Variants in HCN1 observed in about 807,000 individuals in gnomAD.
The protein encoded by HCN1 is hyperpolarization activated cyclic nucleotide gated potassium channel 1.
Under a neutral mutation model 78.9 loss-of-function variants are expected in HCN1, and 13 were observed. That is an observed-to-expected ratio of 0.16 (90% CI 0.11 to 0.26). The LOEUF is 0.26. HCN1 is among the 10% of genes least tolerant of loss of function. The pLI, the probability that HCN1 is intolerant of heterozygous loss-of-function variation, is 1.00. For synonymous variants in HCN1, 552 were observed against 455.5 expected, an observed-to-expected ratio of 1.21 and a Z score of -2.70; for missense variants, 810 against 1,154.3, an observed-to-expected ratio of 0.70 and a Z score of 4.32.
At chr5:45,350,143 G>A (rs945966363) in intron 5 of HCN1, among the ~76,000 whole-genome samples, 10 of 152,068 alleles carry the variant, frequency 6.6e-5, no homozygotes, top group East Asian at 1.9e-4. Context: ...CTGGCAAACC[G>A]AATCCAGCAG....
At chr5:45,275,262 G>A (rs112284369) in intron 6 of HCN1, among the ~76,000 whole-genome samples, 1,488 of 148,356 alleles carry the variant, frequency 0.01, 22 homozygotes, top group African/African-American at 0.034. Context: ...AAAAAAAAAA[G>A]GAAATAAGTG....
At chr5:45,570,930 T>C (rs944810047) in intron 2 of HCN1, among the ~76,000 whole-genome samples, 11 of 152,184 alleles carry the variant, frequency 7.2e-5, no homozygotes, top group African/African-American at 2.4e-4. Flanking sequence ...ATCATGCTCA[T>C]ATTTCATACT....
At chr5:45,552,743 G>C (rs188282555) in intron 2 of HCN1, among the ~76,000 whole-genome samples, 36 of 151,986 alleles carry the variant, frequency 2.4e-4, no homozygotes, top group Non-Finnish European at 1.6e-4. Context: ...AATCTCAGGA[G>C]GGTCATTACA....
chr5:45,602,676 T>C (rs1483124704), intron 2 of HCN1, among the ~76,000 whole-genome samples: 1 of 152,144 alleles, frequency 6.6e-6, no homozygotes, highest in Non-Finnish European at 1.5e-5. Flanking sequence ...TGTGTCTTTA[T>C]TTTTCCTGTG....
chr5:45,478,418 G>A (rs1286845224), intron 2 of HCN1, among the ~76,000 whole-genome samples: 2 of 152,164 alleles, frequency 1.3e-5, no homozygotes, highest in Non-Finnish European at 2.9e-5. Context: ...CAATGTCAAA[G>A]CTGAGCAATG....
chr5:45,523,387 C>T (rs1742656114), intron 2 of HCN1, among the ~76,000 whole-genome samples: 1 of 151,956 alleles, frequency 6.6e-6, no homozygotes, highest in Non-Finnish European at 1.5e-5. Flanking sequence ...AATGGGATGG[C>T]TGGGTCAAAT....
At chr5:45,280,703 T>A (rs946620009) in intron 6 of HCN1, among the ~76,000 whole-genome samples, 2 of 152,190 alleles carry the variant, frequency 1.3e-5, no homozygotes, top group Non-Finnish European at 2.9e-5. Flanking sequence ...TTTGTACAAC[T>A]TTTGGATCAT....
chr5:45,577,691 T>A (rs1743976944), intron 2 of HCN1, among the ~76,000 whole-genome samples: 1 of 152,006 alleles, frequency 6.6e-6, no homozygotes, highest in Non-Finnish European at 1.5e-5. Flanking sequence ...TAAAGAAATA[T>A]ATGCAAATTA....
In HCN1 at chr5:45,257,679, T is replaced by C. The variant is rs74517870; in HGVS notation, c.*4242A>G. On this transcript the variant is annotated 3_prime_UTR_variant, in exon 8 of 8. Coordinates refer to ENST00000303230, the MANE Select transcript of HCN1 (RefSeq NM_021072.4). ...TTGTTAAAAAGGAAAAAAATTGAAA[T>C]TGCTTAAGAAAGTCATTGCTTTTGA... 1.3e-5 allele frequency: 2 copies of C among 152,228 alleles called. No homozygotes were observed. The highest frequency in any genetic ancestry group is 2.1e-4 in the South Asian group (1 of 4,826). 9.4% of individuals were successfully genotyped at this position (152,228 alleles called of 1,614,324 possible).
chr5:45,422,155 C>T (rs780798906), intron 3 of HCN1, among the ~76,000 whole-genome samples: 4 of 152,150 alleles, frequency 2.6e-5, no homozygotes, highest in South Asian at 4.1e-4. Flanking sequence ...AACAAACAGG[C>T]CTTGCTAAGT....
Position 45,430,298 on chromosome 5 carries a change from T to G in HCN1, c.1011+31548A>C, listed in dbSNP as rs190456582. Among the ~76,000 whole-genome samples the G allele has an allele frequency of 2.2e-4, 34 of 152,258 alleles. No individual in the cohort carries two copies. In the East Asian group the frequency reaches 5.6e-3, roughly 25 times the overall value. On this transcript the variant is annotated intron_variant, in intron 3 of 7. Coordinates refer to ENST00000303230, the MANE Select transcript of HCN1 (RefSeq NM_021072.4). ...ATAGTCGATGATTCTTAACTTTTAT[T>G]TTATGGTTCAGGGGTACATGTGTAG... is the stretch of plus-strand genomic sequence containing the variant.
At chr5:45,347,222 T>A (rs1746742028) in intron 5 of HCN1, among the ~76,000 whole-genome samples, 1 of 152,152 alleles carries the variant, frequency 6.6e-6, no homozygotes, top group Non-Finnish European at 1.5e-5. Flanking sequence ...AATCTGCTGT[T>A]CTGCAGCCAC....
At chr5:45,445,351 C>T (rs1427719357) in intron 3 of HCN1, among the ~76,000 whole-genome samples, 1 of 152,154 alleles carries the variant, frequency 6.6e-6, no homozygotes, top group East Asian at 1.9e-4. Context: ...CTGCCATTGC[C>T]CAGGCTTGCT....
chr5:45,670,422 T>C (rs1444540372), intron 1 of HCN1, among the ~76,000 whole-genome samples: 1 of 151,770 alleles, frequency 6.6e-6, no homozygotes, highest in African/African-American at 2.4e-5. Context: ...CTTTAAAATA[T>C]TGCTACCAAA....
At chr5:45,557,555 T>C (rs1369267979) in intron 2 of HCN1, among the ~76,000 whole-genome samples, 5 of 152,136 alleles carry the variant, frequency 3.3e-5, no homozygotes, top group African/African-American at 1.2e-4. Context: ...GTTTTTGTTT[T>C]TAAATAAATT....
intron 5 of HCN1, among the ~76,000 whole-genome samples, chr5:45,324,274 T>C (rs1045228531): frequency 2.0e-5 from 3 of 151,836 alleles, no homozygotes; most frequent in East Asian, 1.9e-4. Flanking sequence ...AGGGCTAATA[T>C]CCAGAATCTA....
At chr5:45,530,400 A>T (rs1742817141) in intron 2 of HCN1, among the ~76,000 whole-genome samples, 1 of 150,342 alleles carries the variant, frequency 6.7e-6, no homozygotes, top group Non-Finnish European at 1.5e-5. Context: ...GCTTGGGGAA[A>T]TGATTGTGTT....
intron 4 of HCN1, among the ~76,000 whole-genome samples, chr5:45,363,851 T>C (rs1305531475): frequency 6.6e-6 from 1 of 152,074 alleles, no homozygotes; most frequent in Non-Finnish European, 1.5e-5. Context: ...CTCAGCCATG[T>C]GGAACTGTAA....
rs1346927753 is a variant in HCN1, at chr5:45,259,467, C to T, written c.*2454G>A. ...CCATACATACGGGCTTCACTATGTACAGAGAAAAGAGGTCACTTTTCAACT... is the reference window on the plus strand; with the variant it reads ...CCATACATACGGGCTTCACTATGTATAGAGAAAAGAGGTCACTTTTCAACT... On this transcript the variant is annotated 3_prime_UTR_variant, in exon 8 of 8. Coordinates refer to ENST00000303230, the MANE Select transcript of HCN1 (RefSeq NM_021072.4). 6.6e-6 allele frequency: 1 copy of T among 152,202 alleles called. No individual in the cohort carries two copies. Among genetic ancestry groups the T allele is most frequent in the Non-Finnish European group, 1.5e-5 (1 of 67,886 alleles). 9.4% of individuals were successfully genotyped at this position (152,202 alleles called of 1,614,324 possible).
Sources: allele counts gnomAD v4.1 joint callset (sites outside exome capture counted in the v4.1 genomes callset), GRCh38; gene constraint gnomAD v4.1.1; transcripts MANE v1.5; gene names NCBI Gene and HGNC (gene_info 2026-07-23, HGNC 2026-07-21).